Variants in STXBP5L observed in about 807,000 individuals in gnomAD.
STXBP5L encodes syntaxin binding protein 5L.
A neutral mutation model predicts 144.5 loss-of-function variants in STXBP5L; 65 were observed. That is an observed-to-expected ratio of 0.45 (90% CI 0.37 to 0.55). The LOEUF (loss-of-function observed/expected upper bound fraction) is 0.55, where lower values mean the gene tolerates loss of function less well. Among genes scored for constraint, STXBP5L ranks in the 20% least tolerant of loss-of-function variants. The probability of loss-of-function intolerance (pLI) is 0.00; values close to 1 mark genes in which losing one functional copy is unlikely to be tolerated. For synonymous variants in STXBP5L, 505 were observed against 469.6 expected (o/e 1.08, Z -0.97); for missense variants, 1,298 against 1,405.5 (o/e 0.92, Z 1.22).
intron 18 of STXBP5L, among the ~76,000 whole-genome samples, chr3:121,279,282 A>G (rs976923420): frequency 1.3e-5 from 2 of 151,928 alleles, no homozygotes; most frequent in Non-Finnish European, 2.9e-5. Flanking sequence ...CAAAAGTAAG[A>G]AACATTTAAC....
intron 9 of STXBP5L, among the ~76,000 whole-genome samples, chr3:121,195,693 C>T (rs752555945): frequency 1.2e-4 from 18 of 152,192 alleles, no homozygotes; most frequent in African/African-American, 2.4e-4. Flanking sequence ...TTGCGTGACT[C>T]ATCCAAGGAC....
chr3:120,983,143 T>G (rs1466589969), intron 3 of STXBP5L, among the ~76,000 whole-genome samples: 1 of 152,190 alleles, frequency 6.6e-6, no homozygotes, highest in Non-Finnish European at 1.5e-5. Flanking sequence ...CCTGCCTGCT[T>G]CTTTCTGGCC....
intron 19 of STXBP5L, among the ~76,000 whole-genome samples, chr3:121,314,608 AGAGG>A: frequency 1.4e-5 from 2 of 147,334 alleles, no homozygotes; most frequent in South Asian, 4.4e-4. Flanking sequence ...AGGGAGAGGG[AGAGG>A]GAGAGGGAGA....
intron 20 of STXBP5L, among the ~76,000 whole-genome samples, chr3:121,360,647 C>T (rs1576284130): frequency 2.6e-5 from 4 of 152,174 alleles, no homozygotes; most frequent in Admixed American, 2.6e-4. Context: ...ACACTATTTG[C>T]ATAAACCAAC....
chr3:121,074,066 CAG>C (rs1479773309), intron 5 of STXBP5L, among the ~76,000 whole-genome samples: 2 of 152,188 alleles, frequency 1.3e-5, no homozygotes, highest in African/African-American at 4.8e-5. Flanking sequence ...CAACAGGACA[CAG>C]GGGTCACTTG....
chr3:120,994,696 G>T (rs1214912948), intron 3 of STXBP5L, among the ~76,000 whole-genome samples: 1 of 151,846 alleles, frequency 6.6e-6, no homozygotes, highest in Non-Finnish European at 1.5e-5. Flanking sequence ...GTATTCTGTT[G>T]ATTTTTGCAT....
chr3:120,958,149 A>G (rs1489323203), intron 3 of STXBP5L, among the ~76,000 whole-genome samples: 2 of 152,230 alleles, frequency 1.3e-5, no homozygotes, highest in Admixed American at 1.3e-4. Context: ...AATAAACTAG[A>G]AAATCTAGAA....
intron 19 of STXBP5L, among the ~76,000 whole-genome samples, chr3:121,315,298 T>C (rs1577438554): frequency 6.6e-6 from 1 of 152,188 alleles, no homozygotes; most frequent in South Asian, 2.1e-4. Context: ...TGGAATACTA[T>C]GCAGCCATAA....
chr3:121,302,121 A>G (rs377243672), intron 19 of STXBP5L, among the ~76,000 whole-genome samples: 1 of 152,140 alleles, frequency 6.6e-6, no homozygotes, highest in East Asian at 1.9e-4. Context: ...AGAAGGAATG[A>G]TACCAGCTCC....
At chr3:121,418,246 G>C in intron 25 of STXBP5L, 91 bp from the exon 26 acceptor site, 1 of 1,343,978 alleles carries the variant, frequency 7.4e-7, no homozygotes, top group Non-Finnish European at 1.0e-6. Flanking sequence ...TATGACAGTA[G>C]AATGTAATAC....
At chr3:121,251,079 C>G (rs1390430365) in intron 15 of STXBP5L, among the ~76,000 whole-genome samples, 1 of 152,162 alleles carries the variant, frequency 6.6e-6, no homozygotes, top group Admixed American at 6.5e-5. Context: ...ATTTCCTTCA[C>G]CCTCTACCTG....
Position 121,342,448 on chromosome 3 carries a change from T to G in STXBP5L, c.2176+23908T>G, listed in dbSNP as rs561199944. ...TGCCATGCTGGTGCGCTGCACCCAT[T>G]AACTCGTCATTTAGCATTAGGTATA... On this transcript the variant is annotated intron_variant, in intron 20 of 26. Coordinates refer to ENST00000471454, the MANE Select transcript of STXBP5L (RefSeq NM_001308330.2). 4.3e-3 allele frequency among the ~76,000 whole-genome samples: 646 copies of G among 151,618 alleles called. 3 individuals are homozygous for G. Among genetic ancestry groups the G allele is most frequent in the Non-Finnish European group, 6.8e-3 (461 of 67,916 alleles).
chr3:120,983,446 T>C (rs889567169), intron 3 of STXBP5L, among the ~76,000 whole-genome samples: 1 of 152,002 alleles, frequency 6.6e-6, no homozygotes, highest in African/African-American at 2.4e-5. Context: ...CTGCTTTCTC[T>C]CTGGCCTTGT....
At chr3:121,289,443 C>G (rs2051347138) in intron 19 of STXBP5L, among the ~76,000 whole-genome samples, 1 of 152,066 alleles carries the variant, frequency 6.6e-6, no homozygotes, top group Non-Finnish European at 1.5e-5. Context: ...AACAACAACA[C>G]AATAATAGTG....
intron 7 of STXBP5L, among the ~76,000 whole-genome samples, chr3:121,122,884 T>C (rs1279413501): frequency 1.3e-5 from 2 of 151,472 alleles, no homozygotes; most frequent in Non-Finnish European, 3.0e-5. Context: ...AGGTAATATT[T>C]CCTACATGTC....
chr3:121,212,058 G>T (rs1577223458), intron 10 of STXBP5L, among the ~76,000 whole-genome samples: 1 of 152,098 alleles, frequency 6.6e-6, no homozygotes, highest in South Asian at 2.1e-4. Flanking sequence ...TTTAGATGAG[G>T]TTGTTTGTTG....
chr3:121,082,275 A>G (rs1560104413), intron 5 of STXBP5L, among the ~76,000 whole-genome samples: 1 of 151,488 alleles, frequency 6.6e-6, no homozygotes. Context: ...ATTTACTTAG[A>G]TCTTCTTTGA....
chr3:120,955,140 T>A, intron 3 of STXBP5L, 103 bp downstream of exon 3: 1 of 830,730 alleles, frequency 1.2e-6, no homozygotes, highest in Non-Finnish European at 1.8e-6. Flanking sequence ...AGTTTATTAT[T>A]TTTTAAGAAA....
Position 120,999,480 on chromosome 3 carries a change from G to C in STXBP5L, c.288-42220G>C, listed in dbSNP as rs114980317. 6.0e-3 allele frequency among the ~76,000 whole-genome samples: 906 copies of C among 152,212 alleles called. 8 individuals are homozygous for C. The highest frequency in any genetic ancestry group is 0.02 in the African/African-American group (835 of 41,526). Reference sequence around the variant, plus strand: ...TATGTGTGTCATTACACGTGACATTGGTCTCTCGAAGACAGCGTACAGTTG... The same window carrying C: ...TATGTGTGTCATTACACGTGACATTCGTCTCTCGAAGACAGCGTACAGTTG... On this transcript the variant is annotated intron_variant, in intron 3 of 26. Coordinates refer to ENST00000471454, the MANE Select transcript of STXBP5L (RefSeq NM_001308330.2).
Sources: allele counts gnomAD v4.1 joint callset (sites outside exome capture counted in the v4.1 genomes callset), GRCh38; gene constraint gnomAD v4.1.1; transcripts MANE v1.5; gene names NCBI Gene and HGNC (gene_info 2026-07-23, HGNC 2026-07-21).